Variants in SSBP2 observed in about 807,000 individuals in gnomAD.
The protein encoded by SSBP2 is single stranded DNA binding protein 2.
In SSBP2, 17 loss-of-function variants were observed where a neutral mutation model predicts 61.8. That is an observed-to-expected ratio of 0.28 (90% CI 0.19 to 0.41). The LOEUF is 0.41. Among genes scored for constraint, SSBP2 ranks in the 10% least tolerant of loss-of-function variants. The probability of loss-of-function intolerance (pLI) is 1.00; values close to 1 mark genes in which losing one functional copy is unlikely to be tolerated. For synonymous variants in SSBP2, 139 were observed against 141.3 expected (o/e 0.98, Z 0.12); for missense variants, 310 against 458.7 (o/e 0.68, Z 2.96).
rs569261005 is a variant in SSBP2, at chr5:81,581,407, C to T, written c.282+34066G>A. 1.6e-4 allele frequency among the ~76,000 whole-genome samples: 24 copies of T among 152,250 alleles called. No individual in the cohort carries two copies. The Middle Eastern group carries it at 0.01, about 65-fold the overall frequency. On this transcript the variant is annotated intron_variant, in intron 4 of 16. Transcript: ENST00000320672. The stretch of plus-strand genomic sequence containing the variant: ...AGCTCTAAAAATCTGTTACTTTATA[C>T]CTTACAATTTTGTGAAGGCTGTATC...
At chr5:81,612,741 TTGAG>T (rs1341459185) in intron 4 of SSBP2, among the ~76,000 whole-genome samples, 1 of 152,050 alleles carries the variant, frequency 6.6e-6, no homozygotes, top group Admixed American at 6.5e-5. Context: ...GAATGCTTTC[TTGAG>T]TACTTTATTT....
chr5:81,447,065 A>T, intron 11 of SSBP2, 143 bp from the exon 12 acceptor site: 1 of 602,790 alleles, frequency 1.7e-6, no homozygotes. Flanking sequence ...CTGCACAATC[A>T]TTTCAATATT....
At chr5:81,645,888 T>C (rs966428666) in intron 2 of SSBP2, among the ~76,000 whole-genome samples, 5 of 152,226 alleles carry the variant, frequency 3.3e-5, no homozygotes, top group African/African-American at 7.2e-5. Flanking sequence ...ACTGAGCTAG[T>C]TGGCACAACC....
At chr5:81,626,497 T>C (rs1747160457) in intron 3 of SSBP2, among the ~76,000 whole-genome samples, 1 of 152,212 alleles carries the variant, frequency 6.6e-6, no homozygotes, top group Admixed American at 6.5e-5. Context: ...TGAGTGTGGT[T>C]TTAAGAGTTC....
chr5:81,511,848 T>C (rs1385702758), intron 5 of SSBP2, among the ~76,000 whole-genome samples: 2 of 152,234 alleles, frequency 1.3e-5, no homozygotes, highest in African/African-American at 4.8e-5. Flanking sequence ...GCCTGGCATA[T>C]AGTAGTACTC....
chr5:81,631,738 C>T (rs756344780), intron 3 of SSBP2, among the ~76,000 whole-genome samples: 5 of 152,078 alleles, frequency 3.3e-5, no homozygotes, highest in South Asian at 4.1e-4. Flanking sequence ...ATCATCATCA[C>T]CACCACCACC....
chr5:81,435,344 C>A lies in SSBP2; in HGVS notation c.957+2086G>T, dbSNP rs367559778. Among the ~76,000 whole-genome samples, 311 of 152,306 alleles carry A rather than the reference C, an allele frequency of 2.0e-3. 1 individual carries two copies. The highest frequency in any genetic ancestry group is 7.2e-3 in the African/African-American group (298 of 41,564). ...CGTCAACATTTACTGAATGAAGGAACTCCTGCCTAAGAATAAACCACTTGA... is the reference window on the plus strand; with the variant it reads ...CGTCAACATTTACTGAATGAAGGAAATCCTGCCTAAGAATAAACCACTTGA... On this transcript the variant is annotated intron_variant, in intron 15 of 16. Coordinates refer to ENST00000320672, the MANE Select transcript of SSBP2 (RefSeq NM_012446.5).
intron 4 of SSBP2, among the ~76,000 whole-genome samples, chr5:81,530,267 T>C (rs1770289472): frequency 6.6e-6 from 1 of 152,066 alleles, no homozygotes; most frequent in African/African-American, 2.4e-5. Flanking sequence ...ATTAGAACAA[T>C]GTCTACCACA....
chr5:81,647,481 C>A (rs995551370), intron 2 of SSBP2, among the ~76,000 whole-genome samples: 1 of 151,950 alleles, frequency 6.6e-6, no homozygotes, highest in African/African-American at 2.4e-5. Context: ...AAACTTACAG[C>A]TCAATTAATT....
In SSBP2 at chr5:81,532,965, C is replaced by T. The variant is rs74414854; in HGVS notation, c.283-19248G>A. ...GGTAGAGATTTTAACATTTCTCTCT[C>T]AACAACCGATAGTAGACAGAAAATT... On this transcript the variant is annotated intron_variant, in intron 4 of 16. Transcript: ENST00000320672. Among the ~76,000 whole-genome samples, 367 of 151,982 alleles carry T rather than the reference C, an allele frequency of 2.4e-3. 2 individuals carry two copies. The highest frequency in any genetic ancestry group is 8.3e-3 in the African/African-American group (346 of 41,544).
At chr5:81,544,866 G>C (rs1231412360) in intron 4 of SSBP2, among the ~76,000 whole-genome samples, 1 of 152,132 alleles carries the variant, frequency 6.6e-6, no homozygotes, top group Non-Finnish European at 1.5e-5. Context: ...GGGTGGAAGT[G>C]ATAACAAGGT....
intron 4 of SSBP2, among the ~76,000 whole-genome samples, chr5:81,561,154 C>A (rs193226236): frequency 2.4e-4 from 36 of 152,092 alleles, no homozygotes; most frequent in Admixed American, 8.5e-4. Context: ...TAATGTAATC[C>A]CCTGATAAAT....
At chr5:81,604,702 G>A (rs193073262) in intron 4 of SSBP2, among the ~76,000 whole-genome samples, 1 of 152,252 alleles carries the variant, frequency 6.6e-6, no homozygotes, top group Non-Finnish European at 1.5e-5. Flanking sequence ...AGCTTGCACA[G>A]TCTTGCTTAC....
At chr5:81,655,669 G>C (rs747536513) in intron 1 of SSBP2, among the ~76,000 whole-genome samples, 5 of 152,160 alleles carry the variant, frequency 3.3e-5, no homozygotes, top group Non-Finnish European at 4.4e-5. Context: ...TAGAGATTAA[G>C]ATGGGAAGAA....
intron 4 of SSBP2, among the ~76,000 whole-genome samples, chr5:81,606,983 A>T (rs1369952578): frequency 6.6e-6 from 1 of 152,188 alleles, no homozygotes; most frequent in Non-Finnish European, 1.5e-5. Context: ...AAGATTTGTG[A>T]TAAGATTTGC....
At chr5:81,423,721 G>A (rs1184434184) in intron 16 of SSBP2, among the ~76,000 whole-genome samples, 2 of 151,916 alleles carry the variant, frequency 1.3e-5, no homozygotes, top group African/African-American at 2.4e-5. Flanking sequence ...CTCTAGCCTG[G>A]GTGACAGAGC....
At chr5:81,440,715 T>C (rs1762976197) in intron 13 of SSBP2, 79 bp from the exon 14 acceptor site, 23 of 997,316 alleles carry the variant, frequency 2.3e-5, no homozygotes, top group Non-Finnish European at 3.3e-5. Context: ...TATTTAACAT[T>C]ACAAGACACT....
intron 10 of SSBP2, among the ~76,000 whole-genome samples, chr5:81,456,114 A>T (rs555136470): frequency 6.2e-4 from 95 of 152,264 alleles, no homozygotes; most frequent in Admixed American, 1.5e-3. Flanking sequence ...AGTGCTTTTT[A>T]AAAAAATGAG....
chr5:81,607,314 T>A (rs1744980736), intron 4 of SSBP2, among the ~76,000 whole-genome samples: 1 of 152,118 alleles, frequency 6.6e-6, no homozygotes, highest in Admixed American at 6.5e-5. Context: ...AGTGGTACAA[T>A]GTTCCCGCAG....
Sources: allele counts gnomAD v4.1 joint callset (sites outside exome capture counted in the v4.1 genomes callset), GRCh38; gene constraint gnomAD v4.1.1; transcripts MANE v1.5; gene names NCBI Gene and HGNC (gene_info 2026-07-23, HGNC 2026-07-21).